UGT1A7: variants seen among roughly 807,000 people sequenced by gnomAD.
The protein encoded by UGT1A7 is UDP glucuronosyltransferase family 1 member A7, also known as UDP-glucuronosyltransferase 1A7.
Under a neutral mutation model 45.6 loss-of-function variants are expected in UGT1A7, and 33 were observed. The observed-to-expected ratio is 0.72, with a 90% CI of 0.55 to 0.97. UGT1A7 has a LOEUF of 0.97. Among genes scored for constraint, UGT1A7 ranks in the 50% least tolerant of loss-of-function variants. UGT1A7 has a pLI of 0.00. For synonymous variants in UGT1A7, 274 were observed against 250.6 expected, an observed-to-expected ratio of 1.09 and a Z score of -0.88; for missense variants, 684 against 666.2, an observed-to-expected ratio of 1.03 and a Z score of -0.29.
At chr2:233,732,639 A>G (rs1283662238) in intron 1 of UGT1A7, among the ~76,000 whole-genome samples, 1 of 151,906 alleles carries the variant, frequency 6.6e-6, no homozygotes, top group Non-Finnish European at 1.5e-5. Context: ...TATTTCTGAG[A>G]CCACTGTTCT....
At chr2:233,697,656 A>T (rs1053465804) in intron 1 of UGT1A7, among the ~76,000 whole-genome samples, 3 of 151,536 alleles carry the variant, frequency 2.0e-5, no homozygotes, top group Non-Finnish European at 2.9e-5. Flanking sequence ...CTTGAGGTGC[A>T]TTCTTAGGTT....
chr2:233,747,798 A>T (rs1693779334), intron 1 of UGT1A7: 1 of 1,613,348 alleles, frequency 6.2e-7, no homozygotes, highest in Non-Finnish European at 8.5e-7. Context: ...CTATATTCCT[A>T]AGTTACTAAC....
At chr2:233,737,460 G>A (rs919499964) in intron 1 of UGT1A7, among the ~76,000 whole-genome samples, 1 of 152,212 alleles carries the variant, frequency 6.6e-6, no homozygotes, top group Non-Finnish European at 1.5e-5. Flanking sequence ...GGTACAGTCT[G>A]TCATGGCTCC....
chr2:233,760,729 A>G lies in UGT1A7; in HGVS notation c.856-6305A>G, dbSNP rs1289728507. On this transcript the variant is annotated intron_variant, in intron 1 of 4. Coordinates refer to ENST00000373426, the MANE Select transcript of UGT1A7 (RefSeq NM_019077.3). ...CCTGGCAGAAAGCAGCTTTGATGTCATGCTGACGGACCCTTTCCTTCCTTG... is the reference window on the plus strand; with the variant it reads ...CCTGGCAGAAAGCAGCTTTGATGTCGTGCTGACGGACCCTTTCCTTCCTTG... 1.9e-6 allele frequency: 3 copies of G among 1,614,196 alleles called. No individual in the cohort carries two copies. The Admixed American group carries it at 5.0e-5, about 27-fold the overall frequency.
At position 233,682,701 on chromosome 2, in the gene UGT1A7, C is replaced by G. The variant is rs543841942; in HGVS notation, c.764C>G (p.Thr255Ser). Residue 255 changes from threonine to serine, a missense_variant, in exon 1 of 5, where the codon ACT becomes AGT. Physicochemically the swap from Thr to Ser is moderately conservative, Grantham distance 58. Transcript: ENST00000373426. ...YSHTSIWLLRTDFVLEYPKPV... is the reference protein window; with the variant it reads ...YSHTSIWLLRSDFVLEYPKPV... ...CACACATCAATTTGGTTGTTGCGAACTGACTTTGTTTTGGAGTATCCCAAA... is the reference window on the plus strand; with the variant it reads ...CACACATCAATTTGGTTGTTGCGAAGTGACTTTGTTTTGGAGTATCCCAAA... The G allele has an allele frequency of 2.5e-5, 41 of 1,613,884 alleles. 1 individual carries two copies. In the South Asian group the frequency reaches 4.2e-4, roughly 16 times the overall value.
chr2:233,738,561 A>C lies in UGT1A7; in HGVS notation c.856-28473A>C, dbSNP rs200356617. 8.5e-5 allele frequency among the ~76,000 whole-genome samples: 13 copies of C among 152,332 alleles called. No homozygotes were observed. In the East Asian group the frequency reaches 2.5e-3, roughly 29 times the overall value. ...GCTGAGTCTCAGATAGAGATGAGGA[A>C]TCTGTTGAGAACTGGAGCAAAGGTC... On this transcript the variant is annotated intron_variant, in intron 1 of 4. Transcript: ENST00000373426.
chr2:233,699,672 C>T (rs1248464548), intron 1 of UGT1A7, among the ~76,000 whole-genome samples: 3 of 152,188 alleles, frequency 2.0e-5, no homozygotes, highest in Non-Finnish European at 4.4e-5. Context: ...GAAACTTTCT[C>T]GCTGAGAGGT....
At chr2:233,704,256 C>CTTTTTTTTTTTT (rs59925871) in intron 1 of UGT1A7, among the ~76,000 whole-genome samples, 5 of 123,642 alleles carry the variant, frequency 4.0e-5, no homozygotes, top group African/African-American at 6.5e-5. Context: ...GCCTTTATTG[C>CTTTTTTTTTTTT]TTTTTTTTTT....
chr2:233,772,072 C>T (rs1304190129), intron 4 of UGT1A7, among the ~76,000 whole-genome samples, 190 bp from the exon 5 acceptor site: 2 of 152,100 alleles, frequency 1.3e-5, no homozygotes, highest in Non-Finnish European at 2.9e-5. Flanking sequence ...ATGCTTGTGC[C>T]ACTACACTCC....
intron 1 of UGT1A7, chr2:233,718,125 G>A (rs1421445167): frequency 3.5e-6 from 1 of 286,392 alleles, no homozygotes; most frequent in Non-Finnish European, 7.0e-6. Context: ...ATTCCATGGT[G>A]TAGATGGAGA....
rs749630489 is a variant in UGT1A7, at chr2:233,719,276, C to A, written c.855+36484C>A. On this transcript the variant is annotated intron_variant, in intron 1 of 4. Coordinates refer to ENST00000373426, the MANE Select transcript of UGT1A7 (RefSeq NM_019077.3). ...CTTCCTTTGATGTGGTTTTAACAGA[C>A]CCCGTTAACCTCTGTGGGGCGGTGC... is the stretch of plus-strand genomic sequence containing the variant. 1.5e-5 allele frequency: 25 copies of A among 1,614,000 alleles called. No individual in the cohort carries two copies. The Admixed American group carries it at 3.3e-4, about 22-fold the overall frequency.
chr2:233,699,261 T>C (rs1175214024), intron 1 of UGT1A7, among the ~76,000 whole-genome samples: 4 of 152,162 alleles, frequency 2.6e-5, no homozygotes, highest in Non-Finnish European at 2.9e-5. Context: ...CCTCTTCCTA[T>C]AGGGGCTTGA....
At chr2:233,713,658 C>G (rs376312935) in intron 1 of UGT1A7, 4 of 1,613,836 alleles carry the variant, frequency 2.5e-6, no homozygotes, top group Non-Finnish European at 2.5e-6. Context: ...CCTGTCCTAC[C>G]TTTGCCATGC....
chr2:233,743,421 G>A (rs1692287450), intron 1 of UGT1A7: 1 of 1,339,950 alleles, frequency 7.5e-7, no homozygotes, highest in African/African-American at 1.5e-5. Flanking sequence ...TTCCCAGGGA[G>A]CCAAAGGAAC....
In UGT1A7 at chr2:233,692,757, G is replaced by C. The variant is rs1425174448; in HGVS notation, c.855+9965G>C. 9.3e-6 allele frequency: 11 copies of C among 1,177,646 alleles called. No homozygotes were observed. In the South Asian group the frequency reaches 1.9e-4, roughly 20 times the overall value. The allele number at this position is 1,177,646 out of a possible 1,614,324, so 72.9% of individuals were successfully genotyped here. A position where few individuals can be genotyped will look rare whatever the true frequency, so the allele number is the denominator to read the frequency against. Reference sequence around the variant, plus strand: ...AGAGAGGGAGAAGCAGACTTGTGGAGCTGAAGAGAAACACCCAGAAGCTCA... The same window carrying C: ...AGAGAGGGAGAAGCAGACTTGTGGACCTGAAGAGAAACACCCAGAAGCTCA... On this transcript the variant is annotated intron_variant, in intron 1 of 4. Coordinates refer to ENST00000373426, the MANE Select transcript of UGT1A7 (RefSeq NM_019077.3).
At chr2:233,721,723 T>A (rs570482911) in intron 1 of UGT1A7, 28 of 397,856 alleles carry the variant, frequency 7.0e-5, no homozygotes, top group Non-Finnish European at 1.0e-5. Flanking sequence ...TTTGTTTACT[T>A]GGATAAGCTT....
At chr2:233,732,348 G>A (rs2078262793) in intron 1 of UGT1A7, among the ~76,000 whole-genome samples, 1 of 152,214 alleles carries the variant, frequency 6.6e-6, no homozygotes, top group Non-Finnish European at 1.5e-5. Context: ...TGGTGTTTTA[G>A]TCATGAAGTC....
chr2:233,766,887 T>G, intron 1 of UGT1A7, 147 bp from the exon 2 acceptor site: 1 of 1,461,916 alleles, frequency 6.8e-7, no homozygotes, highest in Non-Finnish European at 9.0e-7. Context: ...CTGTAAAACT[T>G]ACATATTAAT....
chr2:233,760,739 A>C, intron 1 of UGT1A7: 1 of 1,613,934 alleles, frequency 6.2e-7, no homozygotes, highest in Non-Finnish European at 8.5e-7. Context: ...ATGCTGACGG[A>C]CCCTTTCCTT....
Sources: allele counts gnomAD v4.1 joint callset (sites outside exome capture counted in the v4.1 genomes callset), GRCh38; gene constraint gnomAD v4.1.1; transcripts MANE v1.5; gene names NCBI Gene and HGNC (gene_info 2026-07-23, HGNC 2026-07-21).